The following SUSD4 variants were observed in gnomAD, a reference collection of about 807,000 sequenced individuals.
The protein encoded by SUSD4 is sushi domain-containing protein 4.
Under a neutral mutation model 50.5 loss-of-function variants are expected in SUSD4, and 41 were observed. That is an observed-to-expected ratio of 0.81 (90% confidence interval 0.63 to 1.05). SUSD4 has a LOEUF of 1.05. Ranked by LOEUF, SUSD4 falls within the 50% of genes least tolerant of loss-of-function variation. The probability of loss-of-function intolerance (pLI) is 0.00; values close to 1 mark genes in which losing one functional copy is unlikely to be tolerated. For missense variants in SUSD4, 580 were observed against 634.7 expected, an observed-to-expected ratio of 0.91 and a Z score of 0.93; for synonymous variants, 257 against 257.3, an observed-to-expected ratio of 1.00 and a Z score of 0.01.
chr1:223,331,733 G>A (rs914048239), intron 2 of SUSD4, among the ~76,000 whole-genome samples: 8 of 152,114 alleles, frequency 5.3e-5, no homozygotes, highest in African/African-American at 1.4e-4. Context: ...AGGAGAGACC[G>A]ACTCCATCTG....
At chr1:223,239,330 G>A (rs191877264) in intron 5 of SUSD4, among the ~76,000 whole-genome samples, 179 of 152,120 alleles carry the variant, frequency 1.2e-3, no homozygotes, top group African/African-American at 4.2e-3. Context: ...TTAGACCACT[G>A]ACATTCAAAG....
At chr1:223,288,699 A>G (rs747662098) in intron 3 of SUSD4, among the ~76,000 whole-genome samples, 12 of 152,204 alleles carry the variant, frequency 7.9e-5, no homozygotes, top group Non-Finnish European at 1.5e-4. Flanking sequence ...ATGACAATGG[A>G]TTTTGGCAAG....
chr1:223,245,845 A>C (rs2103031427), intron 5 of SUSD4, among the ~76,000 whole-genome samples: 1 of 152,278 alleles, frequency 6.6e-6, no homozygotes, highest in Middle Eastern at 3.4e-3. Flanking sequence ...CTAGGAGAAA[A>C]AGAAGGATAA....
intron 3 of SUSD4, among the ~76,000 whole-genome samples, chr1:223,284,360 A>G (rs1355464663): frequency 1.3e-5 from 2 of 152,194 alleles, no homozygotes; most frequent in African/African-American, 4.8e-5. Context: ...TGCCTGGGAA[A>G]CATCATGTTT....
intron 3 of SUSD4, among the ~76,000 whole-genome samples, chr1:223,269,923 T>C (rs1463431750): frequency 6.6e-6 from 1 of 151,912 alleles, no homozygotes; most frequent in Non-Finnish European, 1.5e-5. Context: ...AGCCCTGATG[T>C]GAGTGGAAGA....
At chr1:223,341,518 G>A (rs1215687439) in intron 2 of SUSD4, among the ~76,000 whole-genome samples, 1 of 144,540 alleles carries the variant, frequency 6.9e-6, no homozygotes, top group Admixed American at 7.2e-5. Context: ...GGAAGCAGAA[G>A]GGGCCGGCTC....
At chr1:223,357,605 C>T (rs1201885468) in intron 2 of SUSD4, among the ~76,000 whole-genome samples, 1 of 152,182 alleles carries the variant, frequency 6.6e-6, no homozygotes, top group Non-Finnish European at 1.5e-5. Context: ...TTACTATCCA[C>T]AAAGTGTGGA....
chr1:223,327,580 AG>A (rs1413509025), intron 2 of SUSD4, among the ~76,000 whole-genome samples: 1 of 152,236 alleles, frequency 6.6e-6, no homozygotes, highest in African/African-American at 2.4e-5. Flanking sequence ...ACAAGGCTAA[AG>A]GAGCTCCTGG....
At chr1:223,239,232 C>T (rs374336284) in intron 5 of SUSD4, among the ~76,000 whole-genome samples, 18 of 151,988 alleles carry the variant, frequency 1.2e-4, no homozygotes, top group East Asian at 7.7e-4. Context: ...TTTGTCTTCA[C>T]ATTTCAAATG....
chr1:223,324,831 C>G (rs1430578617), intron 2 of SUSD4, among the ~76,000 whole-genome samples: 1 of 152,006 alleles, frequency 6.6e-6, no homozygotes, highest in African/African-American at 2.4e-5. Context: ...TGGGTACAAG[C>G]AGCAGGCAGA....
chr1:223,252,236 A>AAAAAAAATATAT (rs1343732568), intron 5 of SUSD4, among the ~76,000 whole-genome samples: 37 of 89,682 alleles, frequency 4.1e-4, no homozygotes, highest in African/African-American at 1.5e-3. Flanking sequence ...AAAAAAAAAA[A>AAAAAAAATATAT]ATATATATAT....
chr1:223,358,274 G>A (rs1187058191), intron 2 of SUSD4, among the ~76,000 whole-genome samples: 3 of 152,062 alleles, frequency 2.0e-5, no homozygotes, highest in African/African-American at 7.2e-5. Context: ...ATGGATGGGT[G>A]GGAAAAAGAG....
chr1:223,310,204 A>C (rs949501529), intron 2 of SUSD4, among the ~76,000 whole-genome samples: 1 of 152,194 alleles, frequency 6.6e-6, no homozygotes, highest in African/African-American at 2.4e-5. Context: ...TCTGTGTGGA[A>C]GAACCAGCCT....
chr1:223,222,360 T>C (rs995061107), intron 8 of SUSD4, 140 bp from the exon 9 acceptor site: 1 of 742,872 alleles, frequency 1.3e-6, no homozygotes, highest in African/African-American at 1.8e-5. Flanking sequence ...TACCAGTTAA[T>C]AACCAAATAA....
rs1340721450 is a variant in SUSD4 at position 223,223,247 on chromosome 1, A to C, written c.1444+2T>G. On this transcript the variant is annotated splice_donor_variant, in intron 8 of 8. Transcript: ENST00000366878. LOFTEE classifies it high-confidence loss of function. ...GGCTTGGGCCCTGGGGCAAGCACTTACCATCTGCAATGTCGATGCCTGGGC... is the reference window on the plus strand; with the variant it reads ...GGCTTGGGCCCTGGGGCAAGCACTTCCCATCTGCAATGTCGATGCCTGGGC... 6.5e-7 allele frequency: 1 copy of C among 1,529,636 alleles called. No individual in the cohort carries two copies. The highest frequency in any genetic ancestry group is 8.7e-7 in the Non-Finnish European group (1 of 1,144,560). 94.8% of individuals were successfully genotyped at this position (1,529,636 alleles called of 1,614,324 possible). A position where few individuals can be genotyped will look rare whatever the true frequency, so the allele number is the denominator to read the frequency against.
intron 2 of SUSD4, among the ~76,000 whole-genome samples, chr1:223,341,718 C>T (rs1667769886): frequency 6.6e-6 from 1 of 152,158 alleles, no homozygotes; most frequent in African/African-American, 2.4e-5. Flanking sequence ...CACAGGGGTG[C>T]TCCCAACTCC....
intron 2 of SUSD4, among the ~76,000 whole-genome samples, chr1:223,354,100 G>A (rs1157558766): frequency 1.3e-5 from 2 of 151,910 alleles, no homozygotes; most frequent in East Asian, 3.9e-4. Context: ...GCCTCGGACA[G>A]CTCTATGTGG....
chr1:223,225,432 C>T (rs544344259), intron 7 of SUSD4, among the ~76,000 whole-genome samples: 3 of 152,032 alleles, frequency 2.0e-5, no homozygotes, highest in East Asian at 1.9e-4. Context: ...CTCCTTGTCC[C>T]GCAGCTCTTA....
At chr1:223,268,013 T>TATATATATATATGTA (rs1553291074) in intron 4 of SUSD4, among the ~76,000 whole-genome samples, 4 of 53,346 alleles carry the variant, frequency 7.5e-5, no homozygotes, top group African/African-American at 1.1e-4. Flanking sequence ...CATGCATTTT[T>TATATATATATATGTA]TATATATATA....
Sources: allele counts gnomAD v4.1 joint callset (sites outside exome capture counted in the v4.1 genomes callset), GRCh38; gene constraint gnomAD v4.1.1; transcripts MANE v1.5; gene names NCBI Gene and HGNC (gene_info 2026-07-23, HGNC 2026-07-21).